Variants in AP4M1 observed in about 807,000 individuals in gnomAD.
AP4M1 encodes AP-4 complex subunit mu-1.
AP4M1 carries 58 observed loss-of-function variants against 62.4 expected under a neutral mutation model. The ratio of observed to expected loss-of-function variants is 0.93; its 90% confidence interval spans 0.75 to 1.16. The LOEUF (loss-of-function observed/expected upper bound fraction) is 1.16, where lower values mean the gene tolerates loss of function less well. Ranked by LOEUF, AP4M1 falls within the 50% of genes most tolerant of loss-of-function variation. The pLI is 0.00. For missense variants in AP4M1, 626 were observed against 585.4 expected, an observed-to-expected ratio of 1.07 and a Z score of -0.72; for synonymous variants, 290 against 239.7, an observed-to-expected ratio of 1.21 and a Z score of -1.94.
chr7:100,102,411 A>C, intron 2 of AP4M1: 1 of 305,134 alleles, frequency 3.3e-6, no homozygotes, highest in Non-Finnish European at 5.7e-6. Context: ...GGGGTGGGGA[A>C]AAAAAAAAAA....
At chr7:100,103,226 A>G in intron 4 of AP4M1, 183 bp from the exon 5 acceptor site, 1 of 682,628 alleles carries the variant, frequency 1.5e-6, no homozygotes, top group South Asian at 1.7e-5. Context: ...TATTTTTTGT[A>G]GAGACTAGAG....
chr7:100,102,120 C>G, intron 2 of AP4M1, 152 bp downstream of exon 2: 2 of 842,274 alleles, frequency 2.4e-6, no homozygotes, highest in South Asian at 1.6e-5. Context: ...GTGGCTCACG[C>G]CTGTAATCCC....
At chr7:100,106,330 G>C in intron 13 of AP4M1, 39 bp downstream of exon 13, 1 of 1,613,606 alleles carries the variant, frequency 6.2e-7, no homozygotes, top group Non-Finnish European at 8.5e-7. Context: ...TTCCTGGGGA[G>C]AGAGTGAGCT....
chr7:100,106,510 T>C lies in AP4M1; in HGVS notation c.1133T>C (p.Phe378Ser), dbSNP rs1026708144. ...GGAGGCTCTCAACTCTCAGGCCTTT[T>C]CCAGGTATTCGCTGTGGACCCCCAG... is the stretch of plus-strand genomic sequence containing the variant. ...VQGGSQLSGL[F>S]QMDVPGPPGP... is the part of the protein sequence containing the mutation. Residue 378 changes from phenylalanine (F) to serine (S), a missense_variant, in exon 14 of 15, where the codon TTC (phenylalanine) becomes TCC (serine). Coordinates refer to ENST00000359593, the MANE Select transcript of AP4M1 (RefSeq NM_004722.4). 3 of 1,613,168 alleles carry C rather than the reference T, an allele frequency of 1.9e-6. No individual in the cohort carries two copies. The highest frequency in any genetic ancestry group is 8.5e-7 in the Non-Finnish European group (1 of 1,179,940).
intron 13 of AP4M1, 55 bp downstream of exon 13, chr7:100,106,346 TG>T: frequency 6.2e-7 from 1 of 1,612,978 alleles, no homozygotes; most frequent in Non-Finnish European, 8.5e-7. Context: ...GAGCTCAGCA[TG>T]ACGGGTCTGC....
upstream of AP4M1, chr7:100,101,637 C>A (rs930100595): frequency 5.0e-6 from 7 of 1,411,450 alleles, no homozygotes; most frequent in African/African-American, 8.5e-5. Flanking sequence ...CCAGCGCACA[C>A]GCGTTCTTTT....
At chr7:100,105,623 GT>G in intron 11 of AP4M1, 84 bp downstream of exon 11, 1 of 1,329,384 alleles carries the variant, frequency 7.5e-7, no homozygotes, top group South Asian at 1.2e-5. Flanking sequence ...CAGAGTGGGG[GT>G]GGTGGTAGTG....
At chr7:100,100,910 A>C, upstream of AP4M1, 2 of 1,051,250 alleles carry the variant, frequency 1.9e-6, no homozygotes, top group Non-Finnish European at 2.3e-6. Flanking sequence ...GAATGCCCAA[A>C]AGCGCGAAGG....
In AP4M1 at chr7:100,108,317, G is replaced by C; in HGVS notation, c.*1435G>C. The C allele has an allele frequency of 1.9e-6, 3 of 1,551,962 alleles. No individual in the cohort carries two copies. The highest frequency in any genetic ancestry group is 2.6e-6 in the Non-Finnish European group (3 of 1,150,186). ...TGTGTGCAAGTGCCTGTCCCACACA[G>C]GGGTTCTCCTCTGCTTCCTCCTATT... is the stretch of plus-strand genomic sequence containing the variant. On this transcript the variant is annotated 3_prime_UTR_variant, in exon 15 of 15. Transcript: ENST00000359593.
In AP4M1 at chr7:100,105,997, CAA is replaced by C. The variant is rs757218156; in HGVS notation, c.970_971del (p.Lys324GlufsTer31). On this transcript the variant is annotated frameshift_variant, in exon 12 of 15. Coordinates refer to ENST00000359593, the MANE Select transcript of AP4M1 (RefSeq NM_004722.4). LOFTEE classifies it high-confidence loss of function. ...CTAAAGTTGCGATGTGACCTGCTCT[CAA>C]AGAGGTAAGAGTGAGGCTGGCCTGG... 1.9e-6 allele frequency: 3 copies of C among 1,614,024 alleles called. No homozygotes were observed. In the African/African-American group the frequency reaches 4.0e-5, roughly 22 times the overall value.
intron 3 of AP4M1, 37 bp downstream of exon 3, chr7:100,102,818 G>A: frequency 6.2e-7 from 1 of 1,613,334 alleles, no homozygotes. Context: ...GTAGCTAGGA[G>A]GGGTCTGAGA....
intron 8 of AP4M1, 27 bp from the exon 9 acceptor site, chr7:100,105,018 C>A: frequency 6.2e-7 from 1 of 1,614,112 alleles, no homozygotes; most frequent in Non-Finnish European, 8.5e-7. Flanking sequence ...CATTGCTGAG[C>A]TCTCCTGATG....
At position 100,108,011 on chromosome 7, in the gene AP4M1, C is replaced by T. The variant is rs1261952761; in HGVS notation, c.*1129C>T. On this transcript the variant is annotated 3_prime_UTR_variant, in exon 15 of 15. Transcript: ENST00000359593. The stretch of plus-strand genomic sequence containing the variant: ...GGAAGGCTGTGGTGGGGCAGCCGCT[C>T]GTGCAGACACCAGTGTCTGGACAGG... The T allele has an allele frequency of 6.2e-6, 10 of 1,613,830 alleles. No homozygotes were observed. The highest frequency in any genetic ancestry group is 1.1e-5 in the South Asian group (1 of 91,046).
chr7:100,101,167 C>G (rs76000357), upstream of AP4M1: 8,473 of 1,516,760 alleles, frequency 5.6e-3, 421 homozygotes, highest in African/African-American at 0.1. Context: ...CCCCAGAACC[C>G]GCCGACCCCG....
rs1317757342 is a variant in AP4M1, at chr7:100,106,960, T to C, written c.*78T>C. ...GACAGTCGTTTCTTTTCCAGCCTCCTGGCCTTCGGACTCTGAATCTGGGCA... is the reference window on the plus strand; with the variant it reads ...GACAGTCGTTTCTTTTCCAGCCTCCCGGCCTTCGGACTCTGAATCTGGGCA... On this transcript the variant is annotated 3_prime_UTR_variant, in exon 15 of 15. Transcript: ENST00000359593. The C allele has an allele frequency of 7.6e-6, 11 of 1,453,698 alleles. No individual in the cohort carries two copies. Among genetic ancestry groups the C allele is most frequent in the Non-Finnish European group, 1.0e-5 (11 of 1,074,504 alleles). 90.0% of individuals were successfully genotyped at this position (1,453,698 alleles called of 1,614,324 possible). A position where few individuals can be genotyped will look rare whatever the true frequency, so the allele number is the denominator to read the frequency against.
rs549358572 is a variant in AP4M1, at chr7:100,102,852, G to C, written c.255-12G>C. On this transcript the variant is annotated splice_polypyrimidine_tract_variant and intron_variant, in intron 3 of 14. Transcript: ENST00000359593. ...GAGGAGGAGAAAATACACGCTCCAA[G>C]TGTTTCCTCAGGTTGGCCACCCTTC... is the stretch of plus-strand genomic sequence containing the variant. 3.7e-6 allele frequency: 6 copies of C among 1,614,088 alleles called. No individual in the cohort carries two copies. The Admixed American group carries it at 5.0e-5, about 13-fold the overall frequency.
intron 2 of AP4M1, 107 bp from the exon 3 acceptor site, chr7:100,102,567 GC>G (rs1247937853): frequency 1.2e-5 from 11 of 911,842 alleles, no homozygotes; most frequent in Non-Finnish European, 1.6e-5. Context: ...CAAAGGCACT[GC>G]TGTTGTGACT....
chr7:100,106,202 G>A lies in AP4M1; in HGVS notation c.975-39G>A, dbSNP rs1440371755. ...GAAGAGGAACAGGACAAGGGACTGT[G>A]CCTTCCTGGGGCTGACTTTGTTCCC... is the stretch of plus-strand genomic sequence containing the variant. On this transcript the variant is annotated intron_variant, in intron 12 of 14. Transcript: ENST00000359593. 2.5e-6 allele frequency: 4 copies of A among 1,612,064 alleles called. No individual in the cohort carries two copies. In the South Asian group the frequency reaches 4.4e-5, roughly 18 times the overall value.
chr7:100,101,760 A>T lies in AP4M1; in HGVS notation c.46A>T (p.Ile16Phe), dbSNP rs1310028326. 16 of 1,612,864 alleles carry T rather than the reference A, an allele frequency of 9.9e-6. No individual in the cohort carries two copies. Among genetic ancestry groups the T allele is most frequent in the Non-Finnish European group, 1.4e-5 (16 of 1,179,652 alleles). Residue 16 changes from isoleucine (I) to phenylalanine (F), a missense_variant, in exon 1 of 15, where the codon ATC (isoleucine) becomes TTC (phenylalanine). Transcript: ENST00000359593. ...TCTGTCCTCCAAGGGGGACCCGCTC[A>T]TCTACAAAGACTGTATCCTAGACCC... ...FILSSKGDPLIYKDFRGDSGG... is the reference protein window; with the variant it reads ...FILSSKGDPLFYKDFRGDSGG...
Sources: gnomAD v4.1 joint callset for allele counts on GRCh38, gnomAD v4.1.1 for gene constraint, MANE v1.5 for transcripts, NCBI Gene and HGNC (gene_info 2026-07-23, HGNC 2026-07-21) for gene names.